Variants in EFCAB14 observed in about 807,000 individuals in gnomAD.
The protein encoded by EFCAB14 is EF-hand calcium-binding domain-containing protein 14.
In EFCAB14, 43 loss-of-function variants were observed where a neutral mutation model predicts 56.5. That is an observed-to-expected ratio of 0.76 (90% confidence interval 0.60 to 0.98). The LOEUF is 0.98. Among genes scored for constraint, EFCAB14 ranks in the 50% least tolerant of loss-of-function variants. The pLI, the probability that EFCAB14 is intolerant of heterozygous loss-of-function variation, is 0.00. For missense variants in EFCAB14, 538 were observed against 580.3 expected, an observed-to-expected ratio of 0.93 and a Z score of 0.75; for synonymous variants, 235 against 212.9, an observed-to-expected ratio of 1.10 and a Z score of -0.90.
chr1:46,690,049 T>C (rs3766221), intron 5 of EFCAB14, among the ~76,000 whole-genome samples: 11,845 of 152,272 alleles, frequency 0.078, 1,174 homozygotes, highest in East Asian at 0.4. Flanking sequence ...CAACTCGGTC[T>C]CAACCTGGGA....
chr1:46,681,458 T>C (rs1280692587), intron 10 of EFCAB14, among the ~76,000 whole-genome samples: 2 of 152,162 alleles, frequency 1.3e-5, no homozygotes, highest in Admixed American at 6.5e-5. Flanking sequence ...TAAAAATAGC[T>C]TGAAGGGAGG....
At chr1:46,694,986 C>A (rs1677057452) in intron 4 of EFCAB14, among the ~76,000 whole-genome samples, 2 of 150,342 alleles carry the variant, frequency 1.3e-5, no homozygotes, top group Admixed American at 6.7e-5. Context: ...GGACAAAAAA[C>A]CAAACACTGC....
chr1:46,696,408 C>T (rs1001952960), intron 4 of EFCAB14, 143 bp downstream of exon 4: 10 of 774,382 alleles, frequency 1.3e-5, no homozygotes, highest in African/African-American at 5.2e-5. Flanking sequence ...CACAGTGATA[C>T]ACTCCATTAC....
intron 7 of EFCAB14, 116 bp from the exon 8 acceptor site, chr1:46,686,986 C>T (rs987353507): frequency 4.3e-6 from 4 of 920,804 alleles, no homozygotes; most frequent in Admixed American, 4.4e-5. Context: ...GATCTCAGAA[C>T]ACTCTCAACA....
chr1:46,716,776 G>T (rs1408745681), intron 1 of EFCAB14, among the ~76,000 whole-genome samples: 1 of 152,194 alleles, frequency 6.6e-6, no homozygotes, highest in African/African-American at 2.4e-5. Context: ...ATGTTTCTCT[G>T]CAATTCCATC....
chr1:46,682,521 A>G (rs957179917), intron 10 of EFCAB14, among the ~76,000 whole-genome samples: 1 of 152,216 alleles, frequency 6.6e-6, no homozygotes, highest in African/African-American at 2.4e-5. Context: ...CCTGACAAAC[A>G]GGGTCAACTT....
intron 8 of EFCAB14, 92 bp from the exon 9 acceptor site, chr1:46,684,694 T>C (rs1281558755): frequency 2.0e-6 from 2 of 1,011,640 alleles, no homozygotes; most frequent in Non-Finnish European, 3.1e-6. Context: ...TAGCATGTAG[T>C]GTTTGACCCT....
At chr1:46,683,109 G>T (rs1676821198) in intron 10 of EFCAB14, 191 bp downstream of exon 10, 4 of 552,910 alleles carry the variant, frequency 7.2e-6, no homozygotes, top group Non-Finnish European at 3.0e-6. Flanking sequence ...AGTAAAATGG[G>T]TATAATACAT....
intron 10 of EFCAB14, among the ~76,000 whole-genome samples, chr1:46,681,022 G>A (rs1676785628): frequency 6.6e-6 from 1 of 151,476 alleles, no homozygotes; most frequent in East Asian, 1.9e-4. Flanking sequence ...CCAGGTTAGA[G>A]TGCAGTGGCA....
intron 4 of EFCAB14, among the ~76,000 whole-genome samples, chr1:46,693,615 T>G (rs1490445435): frequency 1.3e-5 from 2 of 152,230 alleles, no homozygotes; most frequent in Non-Finnish European, 2.9e-5. Context: ...CTACTGTTTG[T>G]GAATCCAATC....
At chr1:46,696,702 C>T (rs927627455) in intron 3 of EFCAB14, 53 bp from the exon 4 acceptor site, 7 of 1,532,138 alleles carry the variant, frequency 4.6e-6, no homozygotes, top group Admixed American at 1.7e-5. Context: ...TTGTAGAGGA[C>T]ACGTTACCTT....
rs200025396 is a variant in EFCAB14 at position 46,684,513 on chromosome 1, C to A, written c.1164G>T (p.Arg388Ser). 13 of 1,613,884 alleles carry A rather than the reference C, an allele frequency of 8.1e-6. No homozygotes were observed. The highest frequency in any genetic ancestry group is 1.1e-5 in the Non-Finnish European group (13 of 1,179,970). The change falls in exon 9 of 11, where the codon AGG becomes AGT. Residue 388 changes from arginine to serine, a missense_variant. Transcript: ENST00000371933. ...SALTNKPESNRPPETADEEQV... is the reference protein window; with the variant it reads ...SALTNKPESNSPPETADEEQV... The stretch of plus-strand genomic sequence containing the variant: ...CACCTTCATCGGCGGTCTCTGGAGG[C>A]CTGTTGCTCTCAGGTTTGTTTGTAA...
chr1:46,691,329 TTGTA>T (rs1248623869), intron 5 of EFCAB14, among the ~76,000 whole-genome samples: 3 of 152,204 alleles, frequency 2.0e-5, no homozygotes, highest in Non-Finnish European at 4.4e-5. Flanking sequence ...GTTCCATGTG[TTGTA>T]GGCTGCATTT....
chr1:46,691,961 T>A (rs760405310), intron 4 of EFCAB14, 24 bp from the exon 5 acceptor site: 23 of 1,582,692 alleles, frequency 1.5e-5, no homozygotes, highest in Non-Finnish European at 2.0e-5. Flanking sequence ...TATAGGAAGG[T>A]GTAAAAAAGC....
chr1:46,694,955 A>G (rs1164174796), intron 4 of EFCAB14, among the ~76,000 whole-genome samples: 1 of 152,004 alleles, frequency 6.6e-6, no homozygotes, highest in African/African-American at 2.4e-5. Flanking sequence ...GGAAACCATC[A>G]TTCTCAGCAA....
chr1:46,683,498 C>A, intron 9 of EFCAB14, 73 bp from the exon 10 acceptor site: 1 of 1,468,194 alleles, frequency 6.8e-7, no homozygotes, highest in Non-Finnish European at 9.2e-7. Context: ...TCGAAGGTCA[C>A]CTTTTAGGAA....
rs80015621 is a variant in EFCAB14, at chr1:46,684,459, A to C, written c.1186+32T>G. Reference sequence around the variant, plus strand: ...TGAGAGGCAAGCTGCTCAAGCCTCCATGAAATATTAAGAAGCCGGCTCTGC... The same window carrying C: ...TGAGAGGCAAGCTGCTCAAGCCTCCCTGAAATATTAAGAAGCCGGCTCTGC... On this transcript the variant is annotated intron_variant, in intron 9 of 10. Transcript: ENST00000371933. The C allele has an allele frequency of 2.2e-3, 3,521 of 1,582,876 alleles. 63 individuals carry two copies. The African/African-American group carries it at 0.042, about 19-fold the overall frequency.
At chr1:46,704,512 G>T (rs1224945753) in intron 3 of EFCAB14, among the ~76,000 whole-genome samples, 5 of 143,904 alleles carry the variant, frequency 3.5e-5, no homozygotes. Flanking sequence ...CAGAGAGCTT[G>T]TTTGCCCATT....
intron 5 of EFCAB14, among the ~76,000 whole-genome samples, chr1:46,690,568 A>C (rs763810301): frequency 3.0e-4 from 45 of 152,308 alleles, no homozygotes; most frequent in Middle Eastern, 6.8e-3. Context: ...GAAGGCAGGA[A>C]ATTTTTTAGT....
Sources: gnomAD v4.1 joint callset for allele counts (sites outside exome capture counted in the v4.1 genomes callset) on GRCh38, gnomAD v4.1.1 for gene constraint, MANE v1.5 for transcripts, NCBI Gene and HGNC (gene_info 2026-07-23, HGNC 2026-07-21) for gene names.